CHRNG: variants seen among roughly 807,000 people sequenced by gnomAD.
The protein encoded by CHRNG is cholinergic receptor nicotinic gamma subunit.
A neutral mutation model predicts 65.2 loss-of-function variants in CHRNG; 72 were observed. That is an observed-to-expected ratio of 1.10 (90% confidence interval 0.91 to 1.34). The LOEUF is 1.34. Ranked by LOEUF, CHRNG falls within the 40% of genes most tolerant of loss-of-function variation. The probability of loss-of-function intolerance (pLI) is 0.00; values close to 1 mark genes in which losing one functional copy is unlikely to be tolerated. For missense variants in CHRNG, 637 were observed against 680.1 expected, an observed-to-expected ratio of 0.94 and a Z score of 0.70; for synonymous variants, 284 against 290.2, an observed-to-expected ratio of 0.98 and a Z score of 0.22.
chr2:232,541,527 C>T lies in CHRNG; in HGVS notation c.504C>T (p.Phe168=). ...ACTGGCAGAACTGCTCCCTTATCTT[C>T]CAGTGAGGCCATTTATTGGGGAGGA... ...PFDWQNCSLI[F]QSQTYSTNEI... is the part of the protein sequence containing the mutation. Residue 168 remains phenylalanine, a splice_region_variant and synonymous_variant, in exon 5 of 12, where the codon TTC becomes TTT. Transcript: ENST00000651502. The surrounding 1 kb of genome is among the most constrained non-coding windows in gnomAD (Gnocchi z 4.0). 6.2e-7 allele frequency: 1 copy of T among 1,613,672 alleles called. No homozygotes were observed. Among genetic ancestry groups the T allele is most frequent in the Non-Finnish European group, 8.5e-7 (1 of 1,179,944 alleles).
chr2:232,540,560 C>G lies in CHRNG; in HGVS notation c.241-42C>G. 1 of 1,602,410 alleles carries G rather than the reference C, an allele frequency of 6.2e-7. No individual in the cohort carries two copies. Among genetic ancestry groups the G allele is most frequent in the Non-Finnish European group, 8.5e-7 (1 of 1,175,348 alleles). ...GATGCCCACTCCTAGGGCTGTGGTG[C>G]AGCAGAGGGCAGAGGCCTAGCAACT... On this transcript the variant is annotated intron_variant, in intron 3 of 11. Coordinates refer to ENST00000651502, the MANE Select transcript of CHRNG (RefSeq NM_005199.5). The surrounding 1 kb of genome is among the most constrained non-coding windows in gnomAD (Gnocchi z 4.2).
Position 232,542,897 on chromosome 2 carries a change from C to T in CHRNG, c.620C>T (p.Ala207Val), listed in dbSNP as rs768145897. 9 of 1,613,478 alleles carry T rather than the reference C, an allele frequency of 5.6e-6. No homozygotes were observed. The African/African-American group carries it at 1.2e-4, about 22-fold the overall frequency. Residue 207 changes from alanine (A) to valine (V), a missense_variant, in exon 7 of 12, where the codon GCC (alanine) becomes GTC (valine). Ala to Val is a moderately conservative substitution (Grantham distance 64). Transcript: ENST00000651502. ...PEAFTENGEW[A>V]IQHRPAKMLL... ...CTGCCCGCAGAGAATGGGGAGTGGG[C>T]CATCCAGCACCGACCAGCCAAGATG...
rs776814462 is a variant in CHRNG, at chr2:232,540,119, C to T, written c.183C>T (p.Asn61=). Residue 61 remains asparagine (N), a synonymous_variant, in exon 2 of 12, where the codon AAC becomes AAT. Coordinates refer to ENST00000651502, the MANE Select transcript of CHRNG (RefSeq NM_005199.5). The surrounding 1 kb of genome is among the most constrained non-coding windows in gnomAD (Gnocchi z 4.2). ...TCAGCCTGAAGCTAACCCTCACCAA[C>T]CTCATCTCCCTGGTAAGCCGCAGGA... ...VNVSLKLTLT[N]LISLNEREEA... 6.2e-7 allele frequency: 1 copy of T among 1,614,180 alleles called. No individual in the cohort carries two copies.
In CHRNG at chr2:232,548,031, G is replaced by C. The variant is rs930882146; in HGVS notation, c.*2315G>C. On this transcript the variant is annotated 3_prime_UTR_variant, in exon 12 of 12. Coordinates refer to ENST00000651502, the MANE Select transcript of CHRNG (RefSeq NM_005199.5). ...TACACTATACTGTAGACCAGCAAGA[G>C]TGCAATAGCATTGTCTAATAAAACA... 4 of 548,462 alleles carry C rather than the reference G, an allele frequency of 7.3e-6. No homozygotes were observed. Among genetic ancestry groups the C allele is most frequent in the Admixed American group, 3.7e-5 (1 of 27,100 alleles). The allele number at this position is 548,462 out of a possible 1,614,324, so 34.0% of individuals were successfully genotyped here.
chr2:232,545,677 C>A lies in CHRNG; in HGVS notation c.1515C>A (p.Phe505Leu). The change falls in exon 12 of 12, where the codon TTC becomes TTA. Residue 505 changes from phenylalanine to leucine, a missense_variant. Physicochemically the swap from Phe to Leu is conservative, Grantham distance 22. Coordinates refer to ENST00000651502, the MANE Select transcript of CHRNG (RefSeq NM_005199.5). The stretch of plus-strand genomic sequence containing the variant: ...ACAACCGGGTGCCGGCCCTGCCATT[C>A]CCTGGAGATCCACGCCCCTACCTGC... ...AHYNRVPALP[F>L]PGDPRPYLPS... 1 of 1,614,192 alleles carries A rather than the reference C, an allele frequency of 6.2e-7. No individual in the cohort carries two copies.
chr2:232,545,523 C>T lies in CHRNG; in HGVS notation c.1381-20C>T. 2 of 1,611,962 alleles carry T rather than the reference C, an allele frequency of 1.2e-6. No homozygotes were observed. The highest frequency in any genetic ancestry group is 1.1e-5 in the South Asian group (1 of 90,870). ...CCTGGTGCCGCCGCTGGTTATCCCA[C>T]ACCTGCCTCCCACCCTCAGGGGAAT... On this transcript the variant is annotated intron_variant, in intron 11 of 11. Coordinates refer to ENST00000651502, the MANE Select transcript of CHRNG (RefSeq NM_005199.5).
chr2:232,543,716 C>T lies in CHRNG; in HGVS notation c.1035+17C>T, dbSNP rs997856549. 5.5e-6 allele frequency: 8 copies of T among 1,460,404 alleles called. No individual in the cohort carries two copies. The highest frequency in any genetic ancestry group is 7.7e-6 in the Non-Finnish European group (8 of 1,040,602). The allele number at this position is 1,460,404 out of a possible 1,614,324, so 90.5% of individuals were successfully genotyped here. ...GTCCGCAAGGCAAGGACCCTCCCTG[C>T]CCACTTCAACATCCCGCTGCCCACT... On this transcript the variant is annotated intron_variant, in intron 9 of 11. Transcript: ENST00000651502.
At chr2:232,543,512 G>A in intron 8 of CHRNG, 73 bp from the exon 9 acceptor site, 3 of 1,084,202 alleles carry the variant, frequency 2.8e-6, no homozygotes, top group South Asian at 1.3e-5. Flanking sequence ...GAGGCCTGAG[G>A]GGGGGCAGCC....
chr2:232,540,072 CGA>C lies in CHRNG; in HGVS notation c.139_140del (p.Asp47LeufsTer88), dbSNP rs1559302464. The C allele has an allele frequency of 6.2e-7, 1 of 1,614,200 alleles. No individual in the cohort carries two copies. The highest frequency in any genetic ancestry group is 1.3e-5 in the African/African-American group (1 of 75,060). On this transcript the variant is annotated frameshift_variant, in exon 2 of 12. Transcript: ENST00000651502. LOFTEE classifies it high-confidence loss of function. This position sits in a 1 kb window ranked among gnomAD's most constrained non-coding sequence, Gnocchi z 4.2. ...NYDPNLRPAERDSDVVNVSLK... is the reference protein window; with the variant it reads ...NYDPNLRPAEXDSDVVNVSLK... ...CGACCCCAACCTGCGGCCCGCGGAA[CGA>C]GACTCGGATGTGGTCAATGTCAGCC...
At chr2:232,543,482 C>CA (rs60960955) in intron 8 of CHRNG, 93 bp downstream of exon 8, 16 of 1,159,964 alleles carry the variant, frequency 1.4e-5, no homozygotes, top group East Asian at 7.6e-5. Flanking sequence ...CTCCATCCAC[C>CA]CCCCCCATCC....
intron 1 of CHRNG, 23 bp from the exon 2 acceptor site, chr2:232,539,969 A>G (rs1691979849): frequency 6.2e-7 from 1 of 1,613,992 alleles, no homozygotes; most frequent in Non-Finnish European, 8.5e-7. Flanking sequence ...AGCTCCTGCT[A>G]GGCTCACGCC....
intron 5 of CHRNG, 36 bp from the exon 6 acceptor site, chr2:232,542,387 C>T (rs773411025): frequency 4.8e-6 from 7 of 1,449,528 alleles, no homozygotes; most frequent in East Asian, 4.6e-5. Flanking sequence ...CAGGTCCACC[C>T]GCTCACATTT....
intron 5 of CHRNG, among the ~76,000 whole-genome samples, chr2:232,542,055 G>A (rs533819237): frequency 9.2e-5 from 14 of 152,260 alleles, no homozygotes; most frequent in Non-Finnish European, 1.9e-4. Flanking sequence ...GAGCAAACCT[G>A]GCAGGGAGAC....
At position 232,546,979 on chromosome 2, in the gene CHRNG, C is replaced by T. The variant is rs1369923313; in HGVS notation, c.*1263C>T. On this transcript the variant is annotated 3_prime_UTR_variant, in exon 12 of 12. Coordinates refer to ENST00000651502, the MANE Select transcript of CHRNG (RefSeq NM_005199.5). The stretch of plus-strand genomic sequence containing the variant: ...ATCAGGTAGTAAGGCTGGGGTCTTC[C>T]TGGGGGAGAGGCAAGGTCCTGCTCT... Among the ~76,000 whole-genome samples, 1 of 144,978 alleles carries T rather than the reference C, an allele frequency of 6.9e-6. No individual in the cohort carries two copies. The highest frequency in any genetic ancestry group is 1.5e-5 in the Non-Finnish European group (1 of 65,486).
At position 232,539,703 on chromosome 2, in the gene CHRNG, T is replaced by C; in HGVS notation, c.-45T>C. ...GCCCATCTCTCTCTGCCCCAGACCT[T>C]GGAGCTGTTGTCCCACCCCTGTCAC... On this transcript the variant is annotated 5_prime_UTR_variant, in exon 1 of 12. Coordinates refer to ENST00000651502, the MANE Select transcript of CHRNG (RefSeq NM_005199.5). 2 of 1,597,048 alleles carry C rather than the reference T, an allele frequency of 1.3e-6. No homozygotes were observed. The highest frequency in any genetic ancestry group is 1.7e-6 in the Non-Finnish European group (2 of 1,165,654).
chr2:232,541,095 C>CTAT lies in CHRNG; in HGVS notation c.351-257_351-255dup, dbSNP rs202064405. Among the ~76,000 whole-genome samples, 1,259 of 149,898 alleles carry CTAT rather than the reference C, an allele frequency of 8.4e-3. 38 individuals are homozygous for CTAT. Among genetic ancestry groups the CTAT allele is most frequent in the Admixed American group, 0.052 (777 of 14,998 alleles). ...CTTAACACATTAGTCGCTATTATGACTATTATTATTATTATTATTATTATG... is the reference window on the plus strand; with the variant it reads ...CTTAACACATTAGTCGCTATTATGACTATTATTATTATTATTATTATTATTATG... On this transcript the variant is annotated intron_variant, in intron 4 of 11. Coordinates refer to ENST00000651502, the MANE Select transcript of CHRNG (RefSeq NM_005199.5). This position sits in a 1 kb window ranked among gnomAD's most constrained non-coding sequence, Gnocchi z 4.0.
chr2:232,542,776 G>C (rs1299988204), intron 6 of CHRNG, 106 bp from the exon 7 acceptor site: 2 of 1,002,686 alleles, frequency 2.0e-6, no homozygotes, highest in Admixed American at 4.0e-5. Flanking sequence ...TCCCCTGCTG[G>C]TGCTCCTTAG....
intron 9 of CHRNG, 112 bp downstream of exon 9, chr2:232,543,811 G>T: frequency 1.4e-6 from 1 of 738,452 alleles, no homozygotes; most frequent in East Asian, 2.6e-5. Flanking sequence ...CCCATCCTGG[G>T]CGTATCTGGA....
At chr2:232,543,103 G>A (rs1293332327) in intron 7 of CHRNG, 21 bp downstream of exon 7, 1 of 1,611,900 alleles carries the variant, frequency 6.2e-7, no homozygotes, top group Admixed American at 1.7e-5. Context: ...CCTATGGGAA[G>A]GAGCCATCCA....
Sources: allele counts gnomAD v4.1 joint callset (sites outside exome capture counted in the v4.1 genomes callset), GRCh38; gene constraint gnomAD v4.1.1; non-coding constraint Gnocchi (gnomAD v3.1); transcripts MANE v1.5; gene names NCBI Gene and HGNC (gene_info 2026-07-23, HGNC 2026-07-21).